KANK1: variants seen among roughly 807,000 people sequenced by gnomAD.
KANK1 encodes the protein KN motif and ankyrin repeat domains 1.
In KANK1, 109 loss-of-function variants were observed where a neutral mutation model predicts 106.2. The observed-to-expected ratio is 1.03, with a 90% CI of 0.88 to 1.20. The LOEUF (loss-of-function observed/expected upper bound fraction) is 1.20, where lower values mean the gene tolerates loss of function less well. KANK1 is among the 50% of genes most tolerant of loss of function. KANK1 has a pLI of 0.00. For synonymous variants in KANK1, 873 were observed against 652.2 expected, an observed-to-expected ratio of 1.34 and a Z score of -5.16; for missense variants, 2,399 against 1,710.7, an observed-to-expected ratio of 1.40 and a Z score of -7.10.
chr9:676,900 T>C lies in KANK1; in HGVS notation c.-73T>C. ...TCTTTATTGTTTCAGGTTGAATGCC[T>C]TTGAGAACTTGATGCATAAAATTTG... On this transcript the variant is annotated 5_prime_UTR_variant, in exon 2 of 12. Transcript: ENST00000382297. The C allele has an allele frequency of 8.0e-7, 1 of 1,253,364 alleles. No individual in the cohort carries two copies. The highest frequency in any genetic ancestry group is 1.2e-6 in the Non-Finnish European group (1 of 861,142). The allele number at this position is 1,253,364 out of a possible 1,614,324, so 77.6% of individuals were successfully genotyped here. A position where few individuals can be genotyped will look rare whatever the true frequency, so the allele number is the denominator to read the frequency against.
At chr9:493,937 C>T (rs904770530) in intron 3 of KANK1, among the ~76,000 whole-genome samples, 4 of 151,888 alleles carry the variant, frequency 2.6e-5, no homozygotes, top group Middle Eastern at 3.4e-3. Context: ...GGCTGGAGTG[C>T]AATGGTGCGA....
At chr9:742,593 G>A (rs574611048) in intron 10 of KANK1, among the ~76,000 whole-genome samples, 188 bp downstream of exon 10, 1 of 152,222 alleles carries the variant, frequency 6.6e-6, no homozygotes, top group Admixed American at 6.5e-5. Flanking sequence ...AAACTAACAC[G>A]CTCATAAACT....
upstream of KANK1, among the ~76,000 whole-genome samples, chr9:502,751 C>T (rs886745654): frequency 6.6e-5 from 10 of 152,108 alleles, no homozygotes. Context: ...GTGTTGAACT[C>T]CTGGCCTCAA....
intron 1 of KANK1, among the ~76,000 whole-genome samples, chr9:543,188 T>G (rs1302492279): frequency 6.6e-6 from 1 of 152,174 alleles, no homozygotes; most frequent in Non-Finnish European, 1.5e-5. Flanking sequence ...TAAACGGTAA[T>G]AAGCCCTTAA....
intron 2 of KANK1, 40 bp downstream of exon 2, chr9:677,049 C>G (rs1463998103): frequency 6.4e-7 from 1 of 1,574,470 alleles, no homozygotes; most frequent in Non-Finnish European, 8.7e-7. Context: ...AAATGTATGT[C>G]TTTTCTCAAA....
At chr9:535,363 T>A (rs1045473673) in intron 1 of KANK1, among the ~76,000 whole-genome samples, 2 of 152,152 alleles carry the variant, frequency 1.3e-5, no homozygotes, top group Non-Finnish European at 2.9e-5. Flanking sequence ...CCTCGGGGGC[T>A]TTCCTGTGGG....
At chr9:728,790 A>C (rs1831432406) in intron 3 of KANK1, among the ~76,000 whole-genome samples, 1 of 152,140 alleles carries the variant, frequency 6.6e-6, no homozygotes, top group Admixed American at 6.6e-5. Flanking sequence ...TGTTGATTGC[A>C]GGCCTTTAGA....
intron 1 of KANK1, among the ~76,000 whole-genome samples, chr9:666,520 C>T (rs1021637052): frequency 6.6e-5 from 10 of 152,128 alleles, no homozygotes; most frequent in African/African-American, 2.4e-4. Context: ...TGTCTTGTTC[C>T]AGATCTTAGT....
intron 2 of KANK1, chr9:693,669 C>G: frequency 1.0e-6 from 1 of 985,378 alleles, no homozygotes; most frequent in Non-Finnish European, 1.2e-6. Flanking sequence ...AAATTCTCTG[C>G]AACAGCTCCT....
intron 1 of KANK1, among the ~76,000 whole-genome samples, chr9:551,302 T>C (rs2061267868): frequency 6.6e-6 from 1 of 151,922 alleles, no homozygotes; most frequent in Non-Finnish European, 1.5e-5. Flanking sequence ...GCAGGGCTGT[T>C]ACCCATGATG....
chr9:493,804 C>T (rs923103607), intron 3 of KANK1, among the ~76,000 whole-genome samples: 16 of 152,096 alleles, frequency 1.1e-4, no homozygotes, highest in Admixed American at 1.0e-3. Context: ...ACCTCAGCCT[C>T]CCAAAATGCT....
At chr9:690,133 C>CAAAAAAAAAAAA (rs57837964) in intron 2 of KANK1, among the ~76,000 whole-genome samples, 35 of 61,634 alleles carry the variant, frequency 5.7e-4, no homozygotes, top group Non-Finnish European at 7.9e-4. Context: ...TCTAAAAATA[C>CAAAAAAAAAAAA]AAAAAAAAAA....
At chr9:485,581 T>G (rs573292358) in intron 3 of KANK1, among the ~76,000 whole-genome samples, 1 of 152,194 alleles carries the variant, frequency 6.6e-6, no homozygotes, top group East Asian at 1.9e-4. Flanking sequence ...AACTGCTTAG[T>G]AAAGAGATAG....
At chr9:567,275 G>C (rs892877487) in intron 1 of KANK1, among the ~76,000 whole-genome samples, 22 of 152,180 alleles carry the variant, frequency 1.4e-4, no homozygotes, top group African/African-American at 5.1e-4. Context: ...GTTGGGTAGT[G>C]TAATGCCTCC....
chr9:735,384 G>A (rs1280603863), intron 7 of KANK1, among the ~76,000 whole-genome samples: 1 of 152,158 alleles, frequency 6.6e-6, no homozygotes, highest in Admixed American at 6.5e-5. Flanking sequence ...CAAAGAGTTT[G>A]TGGTTGCCTT....
intron 1 of KANK1, among the ~76,000 whole-genome samples, chr9:593,044 G>T (rs1012508896): frequency 2.6e-5 from 4 of 151,734 alleles, no homozygotes; most frequent in African/African-American, 9.7e-5. Flanking sequence ...TGTACTATTT[G>T]TTCAATATCT....
intron 2 of KANK1, among the ~76,000 whole-genome samples, chr9:704,391 A>G (rs1823470675): frequency 6.6e-6 from 1 of 152,232 alleles, no homozygotes; most frequent in Non-Finnish European, 1.5e-5. Context: ...TGTTCTAGTC[A>G]TCACATCTGC....
chr9:572,416 G>T (rs943605821), intron 1 of KANK1, among the ~76,000 whole-genome samples: 62 of 152,176 alleles, frequency 4.1e-4, no homozygotes, highest in African/African-American at 1.4e-3. Context: ...GCTGGGCGTG[G>T]TAGTGGGTTC....
intron 1 of KANK1, chr9:539,764 G>C (rs558544000): frequency 2.0e-5 from 3 of 152,186 alleles, no homozygotes; most frequent in Non-Finnish European, 4.4e-5. Flanking sequence ...TAGGATTACA[G>C]GTGTGAACCA....
Sources: allele counts gnomAD v4.1 joint callset (sites outside exome capture counted in the v4.1 genomes callset), GRCh38; gene constraint gnomAD v4.1.1; transcripts MANE v1.5; gene names NCBI Gene and HGNC (gene_info 2026-07-23, HGNC 2026-07-21).